DACH2: variants seen among roughly 807,000 people sequenced by gnomAD.
DACH2 encodes dachshund family transcription factor 2.
DACH2 carries 17 observed loss-of-function variants against 35.8 expected under a neutral mutation model. The observed-to-expected ratio is 0.48, with a 90% CI of 0.33 to 0.71. The LOEUF is 0.71. Among genes scored for constraint, DACH2 ranks in the 30% least tolerant of loss-of-function variants. The probability of loss-of-function intolerance (pLI) is 0.02; values close to 1 mark genes in which losing one functional copy is unlikely to be tolerated. For synonymous variants in DACH2, 195 were observed against 177.3 expected, an observed-to-expected ratio of 1.10 and a Z score of -0.79; for missense variants, 469 against 472.7, an observed-to-expected ratio of 0.99 and a Z score of 0.07.
intron 7 of DACH2, among the ~76,000 whole-genome samples, chrX:86,786,704 G>T (rs754318781): frequency 3.5e-4 from 39 of 111,948 alleles, no homozygotes; most frequent in Non-Finnish European, 7.0e-4. Flanking sequence ...GCTGGATTGG[G>T]AAAATATTTC....
chrX:86,680,774 A>G (rs778223930), intron 4 of DACH2, among the ~76,000 whole-genome samples: 5 of 106,561 alleles, frequency 4.7e-5, no homozygotes, highest in South Asian at 4.2e-4. Flanking sequence ...CTGCCTCAGT[A>G]CCTGAGACTA....
chrX:86,427,745 T>C (rs1377557848), intron 2 of DACH2, among the ~76,000 whole-genome samples: 3 of 111,840 alleles, frequency 2.7e-5, no homozygotes, highest in Non-Finnish European at 1.9e-5. Flanking sequence ...GCAGCTACCA[T>C]TATTTGTCAA....
In DACH2 at chrX:86,599,102, C is replaced by G. The variant is rs6623731; in HGVS notation, c.641-51934C>G. 2.7e-5 allele frequency among the ~76,000 whole-genome samples: 3 copies of G among 111,146 alleles called. No homozygotes were observed. The East Asian group carries it at 8.6e-4, about 32-fold the overall frequency. On this transcript the variant is annotated intron_variant, in intron 3 of 11. Transcript: ENST00000373125. The stretch of plus-strand genomic sequence containing the variant: ...GTTTGCTGAGAATGATGGTATCCAG[C>G]TTCATCCATGTCCCTACAAAGGACA...
At chrX:86,546,357 C>CTTCTTCTTCTTCT (rs2038959347) in intron 3 of DACH2, among the ~76,000 whole-genome samples, 6 of 50,068 alleles carry the variant, frequency 1.2e-4, no homozygotes, top group Admixed American at 2.5e-4. Flanking sequence ...CTTCTTCTTC[C>CTTCTTCTTCTTCT]TCTTCTTCTT....
intron 3 of DACH2, among the ~76,000 whole-genome samples, chrX:86,604,825 A>T (rs2148361871): frequency 9.0e-6 from 1 of 111,556 alleles, no homozygotes; most frequent in South Asian, 3.8e-4. Flanking sequence ...CAGAAGGGGA[A>T]GTCAGAGCTA....
intron 3 of DACH2, among the ~76,000 whole-genome samples, chrX:86,611,104 G>A (rs1021176481): frequency 9.1e-5 from 10 of 110,395 alleles, no homozygotes; most frequent in African/African-American, 3.3e-4. Flanking sequence ...GTTATTCAGG[G>A]CCCAAGGTCT....
intron 1 of DACH2, among the ~76,000 whole-genome samples, chrX:86,293,392 G>GTC (rs1305709243): frequency 3.7e-5 from 4 of 108,479 alleles, no homozygotes; most frequent in Non-Finnish European, 7.6e-5. Flanking sequence ...GCCAGTCAAT[G>GTC]CCTTTTAATT....
chrX:86,257,683 C>T (rs2033548054), intron 1 of DACH2, among the ~76,000 whole-genome samples: 1 of 112,255 alleles, frequency 8.9e-6, no homozygotes. Flanking sequence ...GCTAGGATTA[C>T]AGGCGTGAGC....
At chrX:86,686,070 T>C (rs1033051434) in intron 4 of DACH2, among the ~76,000 whole-genome samples, 11 of 111,837 alleles carry the variant, frequency 9.8e-5, no homozygotes, top group Non-Finnish European at 1.7e-4. Flanking sequence ...TATCACTGTC[T>C]TGAACTCAGA....
intron 3 of DACH2, among the ~76,000 whole-genome samples, chrX:86,590,684 T>A (rs766158528): frequency 2.7e-5 from 3 of 112,050 alleles, no homozygotes; most frequent in African/African-American, 9.7e-5. Context: ...TCTCACTAGC[T>A]GTGAATATGA....
At chrX:86,743,744 G>C (rs1392199978) in intron 7 of DACH2, among the ~76,000 whole-genome samples, 3 of 111,107 alleles carry the variant, frequency 2.7e-5, no homozygotes, top group African/African-American at 6.5e-5. Context: ...ACAGTGAAAG[G>C]CTATACCCTC....
At chrX:86,624,060 C>CAAAAAAAAA (rs34140706) in intron 3 of DACH2, among the ~76,000 whole-genome samples, 10 of 36,052 alleles carry the variant, frequency 2.8e-4, no homozygotes, top group Admixed American at 7.7e-4. Context: ...AAAAACAAAA[C>CAAAAAAAAA]AAAAAAAAAA....
intron 4 of DACH2, among the ~76,000 whole-genome samples, chrX:86,683,134 T>G (rs1288071212): frequency 8.9e-6 from 1 of 111,804 alleles, no homozygotes; most frequent in African/African-American, 3.2e-5. Context: ...GCTTGCCTCT[T>G]TCCTCTTATC....
At chrX:86,401,528 A>T (rs967711572) in intron 2 of DACH2, among the ~76,000 whole-genome samples, 4 of 111,777 alleles carry the variant, frequency 3.6e-5, no homozygotes, top group African/African-American at 1.3e-4. Flanking sequence ...CTCCACCTAT[A>T]TATTATATTT....
intron 2 of DACH2, among the ~76,000 whole-genome samples, chrX:86,395,181 T>C (rs886615455): frequency 2.7e-5 from 3 of 111,328 alleles, no homozygotes; most frequent in Non-Finnish European, 5.7e-5. Flanking sequence ...CTCTAACATA[T>C]AGCCCCATTT....
At chrX:86,596,482 T>C (rs894868517) in intron 3 of DACH2, among the ~76,000 whole-genome samples, 6 of 111,948 alleles carry the variant, frequency 5.4e-5, no homozygotes, top group African/African-American at 1.9e-4. Flanking sequence ...TTGAGCATTT[T>C]TCTTGTTCTT....
intron 3 of DACH2, among the ~76,000 whole-genome samples, chrX:86,564,100 C>G (rs2039263257): frequency 9.1e-6 from 1 of 110,227 alleles, no homozygotes; most frequent in African/African-American, 3.3e-5. Flanking sequence ...TTGATGTTTC[C>G]TATTTTTCTT....
intron 4 of DACH2, among the ~76,000 whole-genome samples, chrX:86,651,632 A>C (rs1360639639): frequency 8.9e-6 from 1 of 112,062 alleles, no homozygotes; most frequent in Non-Finnish European, 1.9e-5. Flanking sequence ...GGGACTAATG[A>C]AAAGAGGTAG....
chrX:86,830,236 T>TCAG lies in DACH2; in HGVS notation c.1751-1866_1751-1864dup, dbSNP rs1263619483. ...TTTGAGATTGCTCCAAGGATCAGTG[T>TCAG]CAGCAGTTCATTACTGGCATCTTCC... On this transcript the variant is annotated intron_variant, in intron 11 of 11. Transcript: ENST00000373125. 55 of 111,967 alleles carry TCAG rather than the reference T, an allele frequency of 4.9e-4. 1 individual carries two copies. Among genetic ancestry groups the TCAG allele is most frequent in the Non-Finnish European group, 5.6e-5 (3 of 53,098 alleles). 9.2% of individuals were successfully genotyped at this position (111,967 alleles called of 1,213,427 possible). A position where few individuals can be genotyped will look rare whatever the true frequency, so the allele number is the denominator to read the frequency against.
Sources: gnomAD v4.1 joint callset for allele counts (sites outside exome capture counted in the v4.1 genomes callset) on GRCh38, gnomAD v4.1.1 for gene constraint, MANE v1.5 for transcripts, NCBI Gene and HGNC (gene_info 2026-07-23, HGNC 2026-07-21) for gene names.